The following NUP214 variants were observed in gnomAD, a reference collection of about 807,000 sequenced individuals.
The protein encoded by NUP214 is nucleoporin 214.
A neutral mutation model predicts 196.2 loss-of-function variants in NUP214; 79 were observed. The observed-to-expected ratio is 0.40, with a 90% CI of 0.34 to 0.49. The LOEUF is 0.49. Among genes scored for constraint, NUP214 ranks in the 20% least tolerant of loss-of-function variants. The pLI is 0.58. For missense variants in NUP214, 2,468 were observed against 2,539.0 expected (o/e 0.97, Z 0.60); for synonymous variants, 1,020 against 990.5 (o/e 1.03, Z -0.56).
At chr9:131,199,501 CT>C (rs1833888155) in intron 29 of NUP214, among the ~76,000 whole-genome samples, 1 of 152,220 alleles carries the variant, frequency 6.6e-6, no homozygotes, top group Non-Finnish European at 1.5e-5. Context: ...CTGACACCAT[CT>C]TTCTTACTGT....
chr9:131,138,155 TCTTC>T (rs1373863311), intron 9 of NUP214, among the ~76,000 whole-genome samples: 7 of 151,564 alleles, frequency 4.6e-5, no homozygotes, highest in Non-Finnish European at 1.0e-4. Context: ...TCTTTTTTCT[TCTTC>T]CTTCCTTCCT....
Position 131,197,492 on chromosome 9 carries a change from GT to G in NUP214, c.4003del (p.Ser1335GlnfsTer23). On this transcript the variant is annotated frameshift_variant, in exon 29 of 36. Coordinates refer to ENST00000359428, the MANE Select transcript of NUP214 (RefSeq NM_005085.4). LOFTEE classifies it high-confidence loss of function. ...TCTTTGGCTGGAGAGACTCTGGGAAGTTTTTCAGGACTGCGGGTTGGCCAAG... is the reference window on the plus strand; with the variant it reads ...TCTTTGGCTGGAGAGACTCTGGGAAGTTTTCAGGACTGCGGGTTGGCCAAG... ...PSSLAGETLG[S>X]FSGLRVGQAD... 6.2e-7 allele frequency: 1 copy of G among 1,614,186 alleles called. No individual in the cohort carries two copies. Among genetic ancestry groups the G allele is most frequent in the East Asian group, 2.2e-5 (1 of 44,884 alleles).
intron 8 of NUP214, among the ~76,000 whole-genome samples, chr9:131,135,724 A>G (rs1249494873): frequency 6.6e-6 from 1 of 152,186 alleles, no homozygotes; most frequent in Non-Finnish European, 1.5e-5. Context: ...GTCTTCATGT[A>G]GGTAGGCACT....
intron 28 of NUP214, 120 bp from the exon 29 acceptor site, chr9:131,197,096 A>G: frequency 7.3e-7 from 1 of 1,377,040 alleles, no homozygotes; most frequent in Non-Finnish European, 9.9e-7. Context: ...TGTGAGAACA[A>G]GGCACCCTGA....
chr9:131,213,751 C>CTGTTGTTGTTGTTGTTGT (rs55661030), intron 30 of NUP214, among the ~76,000 whole-genome samples: 41 of 147,644 alleles, frequency 2.8e-4, no homozygotes, highest in South Asian at 4.4e-4. Context: ...TGAATTGGTA[C>CTGTTGTTGTTGTTGTTGT]TGTTGTTGTT....
At chr9:131,220,469 G>A (rs1834528814) in intron 31 of NUP214, among the ~76,000 whole-genome samples, 1 of 152,128 alleles carries the variant, frequency 6.6e-6, no homozygotes, top group African/African-American at 2.4e-5. Flanking sequence ...CAGCTTTAAT[G>A]GTGTCATTCT....
intron 10 of NUP214, among the ~76,000 whole-genome samples, chr9:131,139,785 A>C (rs1295228872): frequency 6.6e-6 from 1 of 152,176 alleles, no homozygotes; most frequent in African/African-American, 2.4e-5. Context: ...GGTACTGCAC[A>C]CAAGTACTTG....
intron 23 of NUP214, among the ~76,000 whole-genome samples, chr9:131,177,493 G>A (rs1423240754): frequency 6.6e-6 from 1 of 152,106 alleles, no homozygotes; most frequent in Non-Finnish European, 1.5e-5. Flanking sequence ...TAAGGTATAG[G>A]CACCTTTGAA....
intron 26 of NUP214, among the ~76,000 whole-genome samples, chr9:131,189,514 C>T (rs1833543562): frequency 6.6e-6 from 1 of 152,104 alleles, no homozygotes; most frequent in African/African-American, 2.4e-5. Context: ...GCTATTTCTT[C>T]CACTAAAAGG....
chr9:131,178,505 G>A (rs186819682), intron 24 of NUP214, 95 bp downstream of exon 24: 2 of 864,154 alleles, frequency 2.3e-6, no homozygotes, highest in East Asian at 5.2e-5. Context: ...TCACAGTCTG[G>A]TTTTCCTGCA....
At chr9:131,135,175 G>A in intron 8 of NUP214, 171 bp downstream of exon 8, 1 of 536,632 alleles carries the variant, frequency 1.9e-6, no homozygotes, top group South Asian at 2.7e-5. Flanking sequence ...CAGAAGCCTG[G>A]AACTCCCAGG....
At chr9:131,183,134 G>T (rs1833335955) in intron 24 of NUP214, among the ~76,000 whole-genome samples, 1 of 152,184 alleles carries the variant, frequency 6.6e-6, no homozygotes, top group South Asian at 2.1e-4. Context: ...GCCAAGGCTG[G>T]AGTGCAGTGG....
intron 31 of NUP214, among the ~76,000 whole-genome samples, chr9:131,219,512 G>C (rs1834497820): frequency 6.6e-6 from 1 of 152,208 alleles, no homozygotes; most frequent in Non-Finnish European, 1.5e-5. Flanking sequence ...CCAGTACTTG[G>C]AGTTGGCATG....
intron 32 of NUP214, among the ~76,000 whole-genome samples, chr9:131,224,023 C>T (rs1353530826): frequency 6.6e-6 from 1 of 151,840 alleles, no homozygotes; most frequent in Non-Finnish European, 1.5e-5. Flanking sequence ...CGTGAGCCAC[C>T]ATGCCCAGCC....
At chr9:131,132,715 A>G in intron 6 of NUP214, 56 bp downstream of exon 6, 1 of 1,451,088 alleles carries the variant, frequency 6.9e-7, no homozygotes, top group Non-Finnish European at 9.7e-7. Flanking sequence ...TGTATATTAC[A>G]GAAATTCAAA....
At chr9:131,231,691 G>T (rs1316508254) in intron 34 of NUP214, among the ~76,000 whole-genome samples, 1 of 151,128 alleles carries the variant, frequency 6.6e-6, no homozygotes, top group African/African-American at 2.4e-5. Flanking sequence ...TTAACACTCT[G>T]CTTCTTCAGA....
At chr9:131,142,022 A>G (rs1831930926) in intron 11 of NUP214, among the ~76,000 whole-genome samples, 1 of 152,198 alleles carries the variant, frequency 6.6e-6, no homozygotes, top group South Asian at 2.1e-4. Flanking sequence ...AGCCACTCAG[A>G]TACTTGGGCC....
Position 131,128,386 on chromosome 9 carries a change from C to T in NUP214, c.296C>T (p.Ala99Val). 6.2e-7 allele frequency: 1 copy of T among 1,613,572 alleles called. No individual in the cohort carries two copies. The highest frequency in any genetic ancestry group is 8.5e-7 in the Non-Finnish European group (1 of 1,179,584). The change falls in exon 3 of 36, where the codon GCC (alanine) becomes GTC (valine). Residue 99 changes from alanine (A) to valine (V), a missense_variant. Ala to Val is a moderately conservative substitution (Grantham distance 64). This residue lies in a region of NUP214 where 392 missense variants were observed against 417.9 expected (regional missense o/e 0.94). Transcript: ENST00000359428. The part of the protein sequence containing the change: ...VPMKFPIHHL[A>V]LSCDNLTLSA... ...ATGAAATTCCCAATCCATCACCTGG[C>T]CTTGAGCTGTGATAACCTCACACTC...
At chr9:131,184,962 CAT>C (rs1218932843) in intron 24 of NUP214, among the ~76,000 whole-genome samples, 1 of 152,178 alleles carries the variant, frequency 6.6e-6, no homozygotes, top group Non-Finnish European at 1.5e-5. Flanking sequence ...TCCACTCTCT[CAT>C]ATATGAGTAT....
Sources: gnomAD v4.1 joint callset for allele counts (sites outside exome capture counted in the v4.1 genomes callset) on GRCh38, gnomAD v4.1.1 for gene constraint, gnomAD v4.1.1 regional missense constraint, MANE v1.5 for transcripts, NCBI Gene and HGNC (gene_info 2026-07-23, HGNC 2026-07-21) for gene names.